UNC93A: variants seen among roughly 807,000 people sequenced by gnomAD.
UNC93A encodes the protein N-acetylglucosamine transporter UNC93A.
In UNC93A, 43 loss-of-function variants were observed where a neutral mutation model predicts 47.5. The ratio of observed to expected loss-of-function variants is 0.91; its 90% CI spans 0.71 to 1.17. The LOEUF (loss-of-function observed/expected upper bound fraction) is 1.17. UNC93A is among the 50% of genes most tolerant of loss of function. UNC93A has a pLI of 0.00. For missense variants in UNC93A, 605 were observed against 577.6 expected (o/e 1.05, Z -0.49); for synonymous variants, 280 against 258.0 (o/e 1.09, Z -0.82).
At position 167,291,465 on chromosome 6, in the gene UNC93A, G is replaced by A. The variant is rs1783838588; in HGVS notation, c.-25G>A. 6.2e-7 allele frequency: 1 copy of A among 1,603,724 alleles called. No homozygotes were observed. Among genetic ancestry groups the A allele is most frequent in the Non-Finnish European group, 8.5e-7 (1 of 1,176,376 alleles). ...GAGCTACAAATTTACGTGTTCACTGGTGATTGATCTTTTCATCCAGCACAA... is the reference window on the plus strand; with the variant it reads ...GAGCTACAAATTTACGTGTTCACTGATGATTGATCTTTTCATCCAGCACAA... On this transcript the variant is annotated 5_prime_UTR_variant, in exon 1 of 8. The change creates a new upstream start codon in the 5' untranslated region. Transcript: ENST00000230256.
intron 1 of UNC93A, among the ~76,000 whole-genome samples, chr6:167,292,293 G>A (rs1395008449): frequency 6.6e-6 from 1 of 152,178 alleles, no homozygotes; most frequent in Admixed American, 6.5e-5. Context: ...GTTGTACCCT[G>A]TGGCCTGGTG....
chr6:167,274,241 G>C (rs914792150), intron 1 of UNC93A, among the ~76,000 whole-genome samples: 3 of 152,312 alleles, frequency 2.0e-5, no homozygotes, highest in South Asian at 2.1e-4. Context: ...GGCCCCTTAG[G>C]TAGGAATTTG....
chr6:167,295,447 C>A (rs145980338), intron 2 of UNC93A, among the ~76,000 whole-genome samples: 1,491 of 109,202 alleles, frequency 0.014, 58 homozygotes, highest in African/African-American at 0.05. Context: ...CTCCCTCGTG[C>A]TCCTCGCCTC....
intron 1 of UNC93A, among the ~76,000 whole-genome samples, chr6:167,282,266 G>T (rs1210726404): frequency 6.6e-6 from 1 of 152,094 alleles, no homozygotes; most frequent in Non-Finnish European, 1.5e-5. Flanking sequence ...CTCTCAGCTA[G>T]TCAACCATGA....
At chr6:167,314,750 G>A (rs1380897438) in intron 7 of UNC93A, among the ~76,000 whole-genome samples, 3 of 152,110 alleles carry the variant, frequency 2.0e-5, no homozygotes, top group South Asian at 4.1e-4. Context: ...CCCGTGACCC[G>A]GAAGCCCCCT....
upstream of UNC93A, among the ~76,000 whole-genome samples, chr6:167,286,919 A>G (rs1031128862): frequency 1.4e-5 from 2 of 145,146 alleles, no homozygotes; most frequent in Admixed American, 1.5e-4. Context: ...CGGATGTTGC[A>G]GTGAGCCAAG....
At chr6:167,309,956 G>A (rs778886998) in intron 7 of UNC93A, among the ~76,000 whole-genome samples, 1 of 152,186 alleles carries the variant, frequency 6.6e-6, no homozygotes, top group Non-Finnish European at 1.5e-5. Flanking sequence ...TGGACCCGAG[G>A]CCAGGCCGGG....
At chr6:167,302,622 G>A (rs1778274553) in intron 4 of UNC93A, among the ~76,000 whole-genome samples, 1 of 152,204 alleles carries the variant, frequency 6.6e-6, no homozygotes, top group Non-Finnish European at 1.5e-5. Flanking sequence ...AGAAATTGAG[G>A]TGGATCAAAT....
At chr6:167,306,164 A>G (rs925947942) in intron 6 of UNC93A, 114 bp downstream of exon 6, 18 of 1,414,618 alleles carry the variant, frequency 1.3e-5, no homozygotes, top group Non-Finnish European at 1.7e-5. Context: ...CTTTGAAATC[A>G]GTAACGCCCT....
intron 1 of UNC93A, among the ~76,000 whole-genome samples, chr6:167,274,282 C>T (rs1783501450): frequency 6.6e-6 from 1 of 152,176 alleles, no homozygotes; most frequent in Non-Finnish European, 1.5e-5. Flanking sequence ...AGAGTTTAGT[C>T]CTCAAGGCAC....
chr6:167,279,508 C>T (rs1783597563), intron 1 of UNC93A, among the ~76,000 whole-genome samples: 2 of 152,190 alleles, frequency 1.3e-5, no homozygotes, highest in Non-Finnish European at 2.9e-5. Flanking sequence ...ATGATTTTAC[C>T]TTTTTCTGAA....
chr6:167,302,397 G>A (rs1212941894), intron 4 of UNC93A, among the ~76,000 whole-genome samples: 2 of 152,130 alleles, frequency 1.3e-5, no homozygotes. Context: ...GAAATGAACC[G>A]TTCTGAAAGA....
At chr6:167,277,631 TTCTC>T (rs919062970) in intron 1 of UNC93A, among the ~76,000 whole-genome samples, 1 of 150,836 alleles carries the variant, frequency 6.6e-6, no homozygotes, top group Admixed American at 6.6e-5. Context: ...CTCTCTGACT[TTCTC>T]TCTCTCTGTC....
intron 1 of UNC93A, among the ~76,000 whole-genome samples, chr6:167,281,193 G>A (rs1783627985): frequency 6.6e-6 from 1 of 151,724 alleles, no homozygotes; most frequent in African/African-American, 2.4e-5. Flanking sequence ...AGCCCTAGAA[G>A]ATCATCCCAC....
At chr6:167,306,286 G>A (rs537220996) in intron 6 of UNC93A, among the ~76,000 whole-genome samples, 1 of 152,328 alleles carries the variant, frequency 6.6e-6, no homozygotes, top group Admixed American at 6.5e-5. Context: ...AGGCCACACA[G>A]CAAGTGCCTG....
At chr6:167,273,385 G>A (rs550167235) in intron 1 of UNC93A, among the ~76,000 whole-genome samples, 2 of 152,250 alleles carry the variant, frequency 1.3e-5, no homozygotes, top group African/African-American at 4.8e-5. Flanking sequence ...CCCCAGCCAT[G>A]CCTCCTCATT....
At chr6:167,282,237 A>C (rs994385603) in intron 1 of UNC93A, among the ~76,000 whole-genome samples, 19 of 152,076 alleles carry the variant, frequency 1.2e-4, no homozygotes, top group Non-Finnish European at 2.5e-4. Flanking sequence ...GTATCATTCC[A>C]GGGGGTCTAG....
At chr6:167,296,332 T>C in intron 3 of UNC93A, 71 bp downstream of exon 3, 1 of 1,491,532 alleles carries the variant, frequency 6.7e-7, no homozygotes, top group Non-Finnish European at 9.3e-7. Flanking sequence ...AGAGGGTTCC[T>C]GATTTCAGTT....
intron 1 of UNC93A, among the ~76,000 whole-genome samples, chr6:167,274,059 C>T (rs1305971458): frequency 1.3e-5 from 2 of 152,112 alleles, no homozygotes; most frequent in African/African-American, 4.8e-5. Flanking sequence ...GACAGCTTTG[C>T]AGGGACATTT....
Sources: allele counts gnomAD v4.1 joint callset (sites outside exome capture counted in the v4.1 genomes callset), GRCh38; gene constraint gnomAD v4.1.1; transcripts MANE v1.5; gene names NCBI Gene and HGNC (gene_info 2026-07-23, HGNC 2026-07-21).